The following PPME1 variants were observed in gnomAD, a reference collection of about 807,000 sequenced individuals.
The protein encoded by PPME1 is testicular secretory protein Li 39.
PPME1 carries 17 observed loss-of-function variants against 56.9 expected under a neutral mutation model. That is an observed-to-expected ratio of 0.30 (90% CI 0.20 to 0.45). PPME1 has a LOEUF of 0.45. PPME1 is among the 20% of genes least tolerant of loss of function. PPME1 has a pLI of 1.00. For missense variants in PPME1, 357 were observed against 483.2 expected, an observed-to-expected ratio of 0.74 and a Z score of 2.45; for synonymous variants, 122 against 156.2, an observed-to-expected ratio of 0.78 and a Z score of 1.63.
intron 1 of PPME1, among the ~76,000 whole-genome samples, chr11:74,173,051 A>G (rs1258174923): frequency 3.3e-5 from 5 of 152,202 alleles, no homozygotes; most frequent in African/African-American, 1.2e-4. Context: ...CTGCTATGAT[A>G]CGCAGTAGAA....
chr11:74,212,807 G>T lies in PPME1; in HGVS notation c.288+8362G>T, dbSNP rs148885301. ...GTCCTGGCAGGATTCATCCCCTGCT[G>T]ACTAAAGAGCCTTTGGGTCCTGAAT... On this transcript the variant is annotated intron_variant, in intron 3 of 13. Transcript: ENST00000328257. Among the ~76,000 whole-genome samples, 493 of 152,228 alleles carry T rather than the reference G, an allele frequency of 3.2e-3. 1 individual carries two copies. The highest frequency in any genetic ancestry group is 6.5e-3 in the Admixed American group (100 of 15,300).
chr11:74,232,860 A>ATT (rs35057762), intron 7 of PPME1, among the ~76,000 whole-genome samples: 2,195 of 93,812 alleles, frequency 0.023, 103 homozygotes, highest in African/African-American at 0.094. Context: ...TTGTTATTTG[A>ATT]TTTTTTTTTT....
intron 5 of PPME1, among the ~76,000 whole-genome samples, chr11:74,228,823 T>C (rs915112928): frequency 2.6e-5 from 4 of 152,158 alleles, no homozygotes; most frequent in Non-Finnish European, 4.4e-5. Flanking sequence ...TGAATAAGTA[T>C]TAGTTCTCTT....
chr11:74,171,337 G>T lies in PPME1; in HGVS notation c.-85G>T. On this transcript the variant is annotated 5_prime_UTR_variant, in exon 1 of 14. Transcript: ENST00000328257. The stretch of plus-strand genomic sequence containing the variant: ...CAAAGGCGACAGGGCGTCGTTAGGG[G>T]AGCGAGTCGTGACCGGTTGGGCCAC... 2.6e-6 allele frequency: 4 copies of T among 1,522,120 alleles called. No homozygotes were observed. The African/African-American group carries it at 4.1e-5, about 16-fold the overall frequency. The allele number at this position is 1,522,120 out of a possible 1,614,324, so 94.3% of individuals were successfully genotyped here.
chr11:74,230,954 G>C lies in PPME1; in HGVS notation c.596G>C (p.Arg199Pro), dbSNP rs866029443. 1 of 1,605,178 alleles carries C rather than the reference G, an allele frequency of 6.2e-7. No individual in the cohort carries two copies. Among genetic ancestry groups the C allele is most frequent in the South Asian group, 1.1e-5 (1 of 88,944 alleles). Residue 199 changes from arginine (R) to proline (P), a missense_variant, in exon 7 of 14, where the codon CGG becomes CCG. Physicochemically the swap from Arg to Pro is moderately radical, Grantham distance 103 (BLOSUM62 -2). Transcript: ENST00000328257. This position sits in a 1 kb window ranked among gnomAD's most constrained non-coding sequence, Gnocchi z 4.9. The part of the protein sequence containing the change: ...DALNSMQNFL[R>P]GRPKTFKSLE... ...CTTAATAGCATGCAGAATTTCTTAC[G>C]GGGTCGTCCTAAAACCTTCAAGTCT...
intron 3 of PPME1, 145 bp from the exon 4 acceptor site, chr11:74,222,167 T>C (rs1231016071): frequency 1.6e-6 from 1 of 643,292 alleles, no homozygotes; most frequent in Non-Finnish European, 2.7e-6. Flanking sequence ...CATCATTCTT[T>C]CATTTTGCTT....
At chr11:74,251,815 G>A in intron 13 of PPME1, 100 bp downstream of exon 13, 1 of 1,467,456 alleles carries the variant, frequency 6.8e-7, no homozygotes, top group Admixed American at 1.7e-5. Context: ...CCCCTGCCTG[G>A]TTTGGTCACC....
At chr11:74,228,320 C>A (rs913142303) in intron 5 of PPME1, among the ~76,000 whole-genome samples, 1 of 152,122 alleles carries the variant, frequency 6.6e-6, no homozygotes, top group Admixed American at 6.6e-5. Context: ...TGTTACTACT[C>A]TAAAGACCAC....
At chr11:74,231,173 T>G (rs1370871959) in intron 7 of PPME1, among the ~76,000 whole-genome samples, 171 bp downstream of exon 7, 1 of 152,176 alleles carries the variant, frequency 6.6e-6, no homozygotes, top group East Asian at 1.9e-4. Context: ...TCCTCCCACC[T>G]CAGCCTCCCA....
intron 3 of PPME1, among the ~76,000 whole-genome samples, chr11:74,219,422 A>G (rs963554918): frequency 1.3e-5 from 2 of 152,160 alleles, no homozygotes; most frequent in Non-Finnish European, 2.9e-5. Flanking sequence ...GGAAATCAGT[A>G]CATCGAAGAG....
At chr11:74,190,709 T>C (rs1857812624) in intron 1 of PPME1, among the ~76,000 whole-genome samples, 1 of 152,236 alleles carries the variant, frequency 6.6e-6, no homozygotes, top group African/African-American at 2.4e-5. Context: ...TTGGAAGAGT[T>C]TGGAGGACTC....
intron 3 of PPME1, among the ~76,000 whole-genome samples, chr11:74,219,334 T>TAA (rs35167391): frequency 1.2e-4 from 16 of 132,044 alleles, no homozygotes; most frequent in African/African-American, 2.5e-4. Context: ...GTTGATTCCT[T>TAA]AAAAAAAAAA....
chr11:74,209,948 G>A (rs768998058), intron 3 of PPME1, among the ~76,000 whole-genome samples: 6 of 152,200 alleles, frequency 3.9e-5, no homozygotes, highest in Non-Finnish European at 5.9e-5. Flanking sequence ...TATAGTCTCA[G>A]TTACTTGGGG....
intron 11 of PPME1, chr11:74,249,182 G>A (rs905705454): frequency 2.6e-5 from 4 of 152,194 alleles, no homozygotes; most frequent in African/African-American, 9.7e-5. Flanking sequence ...AGTAAATGGC[G>A]AGGATAAGGA....
At chr11:74,212,163 G>A (rs548663543) in intron 3 of PPME1, among the ~76,000 whole-genome samples, 4 of 152,300 alleles carry the variant, frequency 2.6e-5, no homozygotes, top group African/African-American at 7.2e-5. Flanking sequence ...CAGTGGTTGC[G>A]TGGAACGGAG....
At chr11:74,224,874 A>G (rs1437291007) in intron 4 of PPME1, among the ~76,000 whole-genome samples, 1 of 150,256 alleles carries the variant, frequency 6.7e-6, no homozygotes, top group Non-Finnish European at 1.5e-5. Flanking sequence ...TAGATATACA[A>G]TCATGTCGTC....
At chr11:74,208,590 T>G (rs1001981658) in intron 3 of PPME1, among the ~76,000 whole-genome samples, 2 of 152,226 alleles carry the variant, frequency 1.3e-5, no homozygotes, top group Non-Finnish European at 2.9e-5. Context: ...TTTATCTGAA[T>G]TTTAGATAGA....
chr11:74,195,352 G>A (rs1476219798), intron 1 of PPME1, among the ~76,000 whole-genome samples: 1 of 152,054 alleles, frequency 6.6e-6, no homozygotes. Flanking sequence ...AGCTTTGCCT[G>A]TTTTTGAACA....
intron 5 of PPME1, among the ~76,000 whole-genome samples, chr11:74,225,648 T>C (rs1329159342): frequency 1.3e-5 from 2 of 152,194 alleles, no homozygotes; most frequent in African/African-American, 4.8e-5. Context: ...CTGCGTACAT[T>C]CTTCGTCTTA....
Sources: allele counts gnomAD v4.1 joint callset (sites outside exome capture counted in the v4.1 genomes callset), GRCh38; gene constraint gnomAD v4.1.1; non-coding constraint Gnocchi (gnomAD v3.1); transcripts MANE v1.5; gene names NCBI Gene and HGNC (gene_info 2026-07-23, HGNC 2026-07-21).